Variants in CCDC57 observed in about 807,000 individuals in gnomAD.
CCDC57 encodes the protein coiled-coil domain-containing protein 57.
CCDC57 carries 118 observed loss-of-function variants against 118.9 expected under a neutral mutation model. The observed-to-expected ratio is 0.99, with a 90% CI of 0.86 to 1.16. The LOEUF is 1.16. Among genes scored for constraint, CCDC57 ranks in the 50% most tolerant of loss-of-function variants. CCDC57 has a pLI of 0.00. For synonymous variants in CCDC57, 527 were observed against 532.9 expected (o/e 0.99, Z 0.15); for missense variants, 1,300 against 1,320.7 (o/e 0.98, Z 0.24).
Position 82,132,118 on chromosome 17 carries a change from C to CA in CCDC57, c.2577+1954dup, listed in dbSNP as rs58856013. 8.5e-3 allele frequency among the ~76,000 whole-genome samples: 864 copies of CA among 101,672 alleles called. 11 individuals carry two copies. Among genetic ancestry groups the CA allele is most frequent in the African/African-American group, 0.011 (297 of 27,408 alleles). 66.7% of individuals were successfully genotyped at this position (101,672 alleles called of 152,430 possible). A position where few individuals can be genotyped will look rare whatever the true frequency, so the allele number is the denominator to read the frequency against. ...TGGGTGACAGAGCGAGACTCTGTCT[C>CA]AAAAAAAAAAAAAAAAAAAAGAATA... On this transcript the variant is annotated intron_variant, in intron 17 of 19. Coordinates refer to ENST00000665763, the Ensembl canonical transcript of CCDC57.
chr17:82,127,504 A>G (rs1158942310), intron 19 of CCDC57, 188 bp downstream of exon 18: 2 of 985,388 alleles, frequency 2.0e-6, no homozygotes, highest in African/African-American at 3.5e-5. Flanking sequence ...AGGGCTTTGC[A>G]CCATAACCCG....
At chr17:82,186,084 G>A (rs1318151631) in intron 8 of CCDC57, among the ~76,000 whole-genome samples, 3 of 151,906 alleles carry the variant, frequency 2.0e-5, no homozygotes, top group Admixed American at 1.3e-4. Flanking sequence ...CCAAAGTGCT[G>A]GGATTAGAGG....
exon 16 of CCDC57, chr17:82,151,583 C>T (rs887348842): frequency 5.3e-5 from 82 of 1,550,240 alleles, no homozygotes; most frequent in East Asian, 1.2e-4. Context: ...CAGCTCTGCA[C>T]GGAGCCTGTT....
chr17:82,187,151 C>A (rs1361120895), intron 8 of CCDC57, among the ~76,000 whole-genome samples: 1 of 148,258 alleles, frequency 6.7e-6, no homozygotes, highest in East Asian at 2.1e-4. Context: ...GCAGGAGAAT[C>A]GCTTGAACCC....
chr17:82,177,509 T>C (rs1022210413), intron 11 of CCDC57, among the ~76,000 whole-genome samples: 2 of 152,088 alleles, frequency 1.3e-5, no homozygotes, highest in African/African-American at 4.8e-5. Context: ...GATTGCACCA[T>C]TGCACTTCAG....
chr17:82,198,328 C>T (rs1416277512), exon 4 of CCDC57: 3 of 1,612,422 alleles, frequency 1.9e-6, no homozygotes, highest in Non-Finnish European at 2.5e-6. Context: ...CTCTGCAGAG[C>T]AAGCTCACCG....
At chr17:82,157,802 C>T (rs1207193525) in exon 15 of CCDC57, 3 of 1,605,366 alleles carry the variant, frequency 1.9e-6, no homozygotes, top group African/African-American at 2.7e-5. Context: ...TGCCTGAAGG[C>T]TCCGCTCCCC....
chr17:82,211,148 G>GC (rs2050159419), intron 1 of CCDC57, among the ~76,000 whole-genome samples: 1 of 152,042 alleles, frequency 6.6e-6, no homozygotes, highest in South Asian at 2.1e-4. Flanking sequence ...CACCACCTCA[G>GC]CCCCCAGGAC....
At chr17:82,125,244 A>G (rs2037257223) in intron 19 of CCDC57, among the ~76,000 whole-genome samples, 1 of 152,108 alleles carries the variant, frequency 6.6e-6, no homozygotes. Context: ...TCTAAAAATT[A>G]TATACAAAAA....
intron 19 of CCDC57, among the ~76,000 whole-genome samples, chr17:82,121,581 C>T (rs2036687449): frequency 6.6e-6 from 1 of 152,226 alleles, no homozygotes. Context: ...AGGCCCTTCA[C>T]CTTTTGGCCT....
At chr17:82,183,175 C>G (rs1374370844) in intron 9 of CCDC57, among the ~76,000 whole-genome samples, 1 of 152,138 alleles carries the variant, frequency 6.6e-6, no homozygotes, top group Non-Finnish European at 1.5e-5. Context: ...CATCAAAATT[C>G]ATCAAGTGTA....
chr17:82,179,620 C>A (rs1199738282), intron 9 of CCDC57, among the ~76,000 whole-genome samples: 1 of 151,988 alleles, frequency 6.6e-6, no homozygotes, highest in African/African-American at 2.4e-5. Context: ...GTGGACCCAG[C>A]CACGGGGCGG....
At chr17:82,147,315 T>TAC in intron 16 of CCDC57, among the ~76,000 whole-genome samples, 1 of 103,606 alleles carries the variant, frequency 9.7e-6, no homozygotes, top group South Asian at 3.7e-4. Flanking sequence ...GGTGGGTGGG[T>TAC]GGATGGATGG....
intron 4 of CCDC57, among the ~76,000 whole-genome samples, chr17:82,196,211 T>G (rs1329408740): frequency 6.6e-6 from 1 of 152,208 alleles, no homozygotes; most frequent in African/African-American, 2.4e-5. Context: ...TCAAACTCCT[T>G]CTTTGGAAGT....
intron 14 of CCDC57, among the ~76,000 whole-genome samples, chr17:82,159,424 G>A (rs544666995): frequency 6.6e-5 from 10 of 152,254 alleles, no homozygotes; most frequent in African/African-American, 2.2e-4. Context: ...CAACTCCCTC[G>A]ACTGGAGCCC....
chr17:82,126,795 T>G (rs2037496163), intron 19 of CCDC57: 1 of 985,448 alleles, frequency 1.0e-6, no homozygotes, highest in South Asian at 4.7e-5. Flanking sequence ...TAACAGTATC[T>G]GTGACGGTAA....
At chr17:82,173,022 C>G (rs2044965450) in intron 11 of CCDC57, among the ~76,000 whole-genome samples, 162 bp from the exon 11 acceptor site, 1 of 152,150 alleles carries the variant, frequency 6.6e-6, no homozygotes, top group Admixed American at 6.5e-5. Context: ...CCCCTCCTTT[C>G]TGACAGAAGT....
intron 7 of CCDC57, among the ~76,000 whole-genome samples, chr17:82,191,987 CTT>C (rs35746149): frequency 1.1e-3 from 153 of 137,730 alleles, no homozygotes; most frequent in Admixed American, 1.4e-3. Flanking sequence ...TTTTTTATGA[CTT>C]TTTTTTTTTT....
At chr17:82,120,958 T>C (rs1460851413) in intron 19 of CCDC57, among the ~76,000 whole-genome samples, 1 of 152,186 alleles carries the variant, frequency 6.6e-6, no homozygotes, top group East Asian at 1.9e-4. Context: ...GGTTTCACCG[T>C]GTTAGCCAGG....
Sources: allele counts gnomAD v4.1 joint callset (sites outside exome capture counted in the v4.1 genomes callset), GRCh38; gene constraint gnomAD v4.1.1; transcripts MANE v1.5; gene names NCBI Gene and HGNC (gene_info 2026-07-23, HGNC 2026-07-21).